The following GIGYF1 variants were observed in gnomAD, a reference collection of about 807,000 sequenced individuals.
The protein encoded by GIGYF1 is GRB10 interacting GYF protein 1, also known as GRB10-interacting GYF protein 1.
A neutral mutation model predicts 147.1 loss-of-function variants in GIGYF1; 84 were observed. The ratio of observed to expected loss-of-function variants is 0.57; its 90% CI spans 0.48 to 0.68. GIGYF1 has a LOEUF of 0.68. Among genes scored for constraint, GIGYF1 ranks in the 30% least tolerant of loss-of-function variants. The probability of loss-of-function intolerance (pLI) is 0.00; values close to 1 mark genes in which losing one functional copy is unlikely to be tolerated. For synonymous variants in GIGYF1, 752 were observed against 589.5 expected (o/e 1.28, Z -3.99); for missense variants, 1,485 against 1,393.7 (o/e 1.07, Z -1.04).
chr7:100,682,317 C>A lies in GIGYF1; in HGVS notation c.2761+5G>T. 1 of 1,611,256 alleles carries A rather than the reference C, an allele frequency of 6.2e-7. No homozygotes were observed. Among genetic ancestry groups the A allele is most frequent in the Admixed American group, 1.7e-5 (1 of 59,960 alleles). ...CCGCCCACCTCCTGGGAGCCGCTCG[C>A]CCACCGTCCAGGCTGCCCGTGGCGC... is the stretch of plus-strand genomic sequence containing the variant. On this transcript the variant is annotated splice_donor_5th_base_variant and intron_variant, in intron 24 of 26. Coordinates refer to ENST00000678049, the MANE Select transcript of GIGYF1 (RefSeq NM_001375765.1).
chr7:100,685,137 C>G lies in GIGYF1; in HGVS notation c.1202G>C (p.Arg401Pro). The G allele has an allele frequency of 2.5e-6, 4 of 1,581,484 alleles. No individual in the cohort carries two copies. The highest frequency in any genetic ancestry group is 2.3e-5 in the East Asian group (1 of 43,412). ...KEPPAAEDDI[R>P]GIQLSPGVGS... ...CACCCCGGGACTCAGCTGGATCCCC[C>G]GAATATCATCTGGAAGGCATGAGAT... Residue 401 changes from arginine (R) to proline (P), a missense_variant, in exon 14 of 27, where the codon CGG (arginine) becomes CCG (proline). By Grantham distance (103) the Arg-to-Pro change is moderately radical. Transcript: ENST00000678049.
At position 100,686,796 on chromosome 7, in the gene GIGYF1, C is replaced by T. The variant is rs1485323584; in HGVS notation, c.547G>A (p.Gly183Arg). The T allele has an allele frequency of 6.2e-7, 1 of 1,613,994 alleles. No individual in the cohort carries two copies. Among genetic ancestry groups the T allele is most frequent in the Non-Finnish European group, 8.5e-7 (1 of 1,179,986 alleles). Residue 183 changes from glycine to arginine, a missense_variant, in exon 10 of 27, where the codon GGG (glycine) becomes AGG (arginine). Gly to Arg is a moderately radical substitution (Grantham distance 125). Transcript: ENST00000678049. ...GCGTGCTCCTTCCTTGGGCCAGCCC[C>T]TCCCTCCTCAAAGCCACATCGTGCT... is the stretch of plus-strand genomic sequence containing the variant. ...DGARCGFEEGGAGPRKEHARS... is the reference protein window; with the variant it reads ...DGARCGFEEGRAGPRKEHARS...
chr7:100,693,213 G>C (rs2131408143), intron 1 of GIGYF1, among the ~76,000 whole-genome samples: 1 of 152,270 alleles, frequency 6.6e-6, no homozygotes, highest in Admixed American at 6.5e-5. Context: ...AACAGACCTG[G>C]AGTCTGACCG....
rs754345087 is a variant in GIGYF1, at chr7:100,684,488, C to G, written c.1591G>C (p.Val531Leu). The G allele has an allele frequency of 6.2e-7, 1 of 1,613,472 alleles. No individual in the cohort carries two copies. The highest frequency in any genetic ancestry group is 1.1e-5 in the South Asian group (1 of 91,080). ...LGEVIKMWGR[V>L]PFAPGPSPPP... ...GGTGAGGGCCCTGGGGCAAAGGGCA[C>G]GCGGCCCCACATCTTGATCACCTCG... The change falls in exon 16 of 27, where the codon GTG becomes CTG. Residue 531 changes from valine to leucine, a missense_variant. Physicochemically the swap from Val to Leu is conservative, Grantham distance 32. Coordinates refer to ENST00000678049, the MANE Select transcript of GIGYF1 (RefSeq NM_001375765.1).
intron 15 of GIGYF1, 47 bp downstream of exon 15, chr7:100,684,676 C>A (rs1218494856): frequency 1.9e-6 from 3 of 1,611,892 alleles, no homozygotes; most frequent in Non-Finnish European, 2.5e-6. Context: ...CCAGAGACAC[C>A]CTGAACCAGA....
At position 100,683,748 on chromosome 7, in the gene GIGYF1, G is replaced by T. The variant is rs1039351836; in HGVS notation, c.1969+70C>A. On this transcript the variant is annotated intron_variant, in intron 19 of 26. Coordinates refer to ENST00000678049, the MANE Select transcript of GIGYF1 (RefSeq NM_001375765.1). ...ATGGCAGCTAGGGGCGTGTGGGGGT[G>T]GGGAGCAGACCCCAGACCCCATTTC... 4.5e-6 allele frequency: 7 copies of T among 1,545,648 alleles called. No homozygotes were observed. The African/African-American group carries it at 9.5e-5, about 21-fold the overall frequency.
rs1340055441 is a variant in GIGYF1, at chr7:100,688,528, A to G, written c.-134-13T>C. 1 of 654,752 alleles carries G rather than the reference A, an allele frequency of 1.5e-6. No individual in the cohort carries two copies. The highest frequency in any genetic ancestry group is 2.8e-6 in the Non-Finnish European group (1 of 354,378). The allele number at this position is 654,752 out of a possible 1,614,324, so 40.6% of individuals were successfully genotyped here. ...GACGGTGAAAGACCTGGGGGAGGCG[A>G]GGAGATGGGAAGCTCGAGTCCTTTC... On this transcript the variant is annotated splice_polypyrimidine_tract_variant and intron_variant, in intron 2 of 26. Coordinates refer to ENST00000678049, the MANE Select transcript of GIGYF1 (RefSeq NM_001375765.1).
In GIGYF1 at chr7:100,687,579, A is replaced by T. The variant is rs575867953; in HGVS notation, c.299T>A (p.Leu100Gln). Residue 100 changes from leucine (L) to glutamine (Q), a missense_variant, in exon 7 of 27, where the codon CTG becomes CAG. Leu to Gln is a moderately radical substitution (Grantham distance 113). Coordinates refer to ENST00000678049, the MANE Select transcript of GIGYF1 (RefSeq NM_001375765.1). ...FSLSVNSVAV[L>Q]RLMGKGAGPP... ...GCCAGCCCCTTTCCCCATCAGCCTCAGCACAGCCACGCTGTTCACTGACAG... is the reference window on the plus strand; with the variant it reads ...GCCAGCCCCTTTCCCCATCAGCCTCTGCACAGCCACGCTGTTCACTGACAG... 1.2e-6 allele frequency: 2 copies of T among 1,612,620 alleles called. No homozygotes were observed. Among genetic ancestry groups the T allele is most frequent in the African/African-American group, 1.3e-5 (1 of 75,008 alleles).
Position 100,683,897 on chromosome 7 carries a change from G to A in GIGYF1, c.1890C>T (p.Leu630=). 1 of 1,555,388 alleles carries A rather than the reference G, an allele frequency of 6.4e-7. No individual in the cohort carries two copies. The highest frequency in any genetic ancestry group is 8.7e-7 in the Non-Finnish European group (1 of 1,149,126). The part of the protein sequence containing the change: ...KPPRGGDQNL[L]PTMSRSLSVP... ...CCGACAAGGACCGGCTCATCGTCGG[G>A]AGCAGGTTCTGGTCCCCGCCTCTGA... The change falls in exon 19 of 27, where the codon CTC becomes CTT. Residue 630 remains leucine, a synonymous_variant. Transcript: ENST00000678049.
intron 6 of GIGYF1, 50 bp downstream of exon 6, chr7:100,687,738 T>G: frequency 1.5e-6 from 2 of 1,292,926 alleles, no homozygotes; most frequent in Non-Finnish European, 2.1e-6. Context: ...ACCCAACCCA[T>G]GGCCTCCCCT....
chr7:100,683,093 C>A lies in GIGYF1; in HGVS notation c.2331G>T (p.Leu777Phe), dbSNP rs1804948333. ...QGLSMKTLLE[L>F]QLEGERQLHK... ...GCAGCTGCCGCTCGCCCTCCAGCTG[C>A]AACTCCAGGAGCGTCTTCATGGACA... Residue 777 changes from leucine (L) to phenylalanine (F), a missense_variant, in exon 22 of 27, where the codon TTG becomes TTT. Transcript: ENST00000678049. 5 of 1,588,838 alleles carry A rather than the reference C, an allele frequency of 3.1e-6. No individual in the cohort carries two copies. The highest frequency in any genetic ancestry group is 8.5e-7 in the Non-Finnish European group (1 of 1,172,988).
Position 100,687,287 on chromosome 7 carries a change from C to G in GIGYF1, c.482+11G>C, listed in dbSNP as rs1453094714. 2 of 1,610,070 alleles carry G rather than the reference C, an allele frequency of 1.2e-6. No homozygotes were observed. The highest frequency in any genetic ancestry group is 1.7e-6 in the Non-Finnish European group (2 of 1,177,962). ...TGCCCGGCTCTGCGCCATGCCCCCT[C>G]CCCGCCCCACCTGTCATCCCAGCTC... On this transcript the variant is annotated intron_variant, in intron 8 of 26. Transcript: ENST00000678049.
chr7:100,684,844 C>T lies in GIGYF1; in HGVS notation c.1341G>A (p.Glu447=). ...GGGTCTGCATGGCAGCCGTGAACTG[C>T]TCCTCCTCCAAGGAGCTGTCCTGCA... ...ASLQDSSLEE[E]QFTAAMQTQG... is the part of the protein sequence containing the mutation. Residue 447 remains glutamate, a synonymous_variant, in exon 15 of 27, where the codon GAG becomes GAA. Coordinates refer to ENST00000678049, the MANE Select transcript of GIGYF1 (RefSeq NM_001375765.1). The T allele has an allele frequency of 6.2e-7, 1 of 1,606,078 alleles. No homozygotes were observed. Among genetic ancestry groups the T allele is most frequent in the Non-Finnish European group, 8.5e-7 (1 of 1,175,718 alleles).
Position 100,681,945 on chromosome 7 carries a change from G to T in GIGYF1, c.2974C>A (p.His992Asn). ...ASLQTAFQAN[H>N]STKLGPGEGS... is the part of the protein sequence containing the mutation. ...TCCCCGGGGCCGAGTTTGGTGCTGTGGTTGGCCTGGAAGGCCGTCTGCAGC... is the reference window on the plus strand; with the variant it reads ...TCCCCGGGGCCGAGTTTGGTGCTGTTGTTGGCCTGGAAGGCCGTCTGCAGC... Residue 992 changes from histidine to asparagine, a missense_variant, in exon 26 of 27, where the codon CAC becomes AAC. Transcript: ENST00000678049. 6.2e-7 allele frequency: 1 copy of T among 1,609,788 alleles called. No individual in the cohort carries two copies. Among genetic ancestry groups the T allele is most frequent in the Non-Finnish European group, 8.5e-7 (1 of 1,179,948 alleles).
chr7:100,687,945 G>A (rs1805534187), intron 5 of GIGYF1, 36 bp downstream of exon 5: 1 of 1,610,082 alleles, frequency 6.2e-7, no homozygotes, highest in African/African-American at 1.3e-5. Flanking sequence ...ACAGGCAGAG[G>A]CCACCACCGC....
At position 100,684,261 on chromosome 7, in the gene GIGYF1, T is replaced by C; in HGVS notation, c.1706A>G (p.Gln569Arg). The change falls in exon 17 of 27, where the codon CAG becomes CGG. Residue 569 changes from glutamine to arginine, a missense_variant. By Grantham distance (43) the Gln-to-Arg change is conservative. Coordinates refer to ENST00000678049, the MANE Select transcript of GIGYF1 (RefSeq NM_001375765.1). ...AAALYQQLQH[Q>R]QFLQLVSSRQ... ...CCTGCTGACCAGCTGGAGAAACTGC[T>C]GGTGCTGCAGCTGCTGGTACAAGGC... The C allele has an allele frequency of 1.2e-6, 2 of 1,608,944 alleles. No homozygotes were observed. Among genetic ancestry groups the C allele is most frequent in the East Asian group, 2.2e-5 (1 of 44,734 alleles).
At chr7:100,688,399 A>G (rs77448680) in intron 3 of GIGYF1, 52 bp downstream of exon 3, 34,029 of 725,962 alleles carry the variant, frequency 0.047, 1,089 homozygotes, top group Middle Eastern at 0.12. Flanking sequence ...AGTGGGCACA[A>G]CAATGGGCCC....
intron 18 of GIGYF1, 46 bp from the exon 19 acceptor site, chr7:100,683,964 G>A: frequency 6.4e-7 from 1 of 1,571,844 alleles, no homozygotes; most frequent in Non-Finnish European, 8.6e-7. Flanking sequence ...TCCATCTCTG[G>A]TCTGCCCCCA....
rs1804638346 is a variant in GIGYF1, at chr7:100,680,504, A to G, written c.*1215T>C. The G allele has an allele frequency of 6.6e-6, 1 of 152,646 alleles. No homozygotes were observed. The highest frequency in any genetic ancestry group is 1.5e-5 in the Non-Finnish European group (1 of 68,068). 9.5% of individuals were successfully genotyped at this position (152,646 alleles called of 1,614,324 possible). ...GGAGCCGCACACTTCTCTTCACCCCAACCTTACCCAACGGTAAAAAGCGCA... is the reference window on the plus strand; with the variant it reads ...GGAGCCGCACACTTCTCTTCACCCCGACCTTACCCAACGGTAAAAAGCGCA... On this transcript the variant is annotated 3_prime_UTR_variant, in exon 27 of 27. Transcript: ENST00000678049.
Sources: gnomAD v4.1 joint callset for allele counts (sites outside exome capture counted in the v4.1 genomes callset) on GRCh38, gnomAD v4.1.1 for gene constraint, MANE v1.5 for transcripts, NCBI Gene and HGNC (gene_info 2026-07-23, HGNC 2026-07-21) for gene names.